The following TFCP2L1 variants were observed in gnomAD, a reference collection of about 807,000 sequenced individuals.
TFCP2L1 encodes transcription factor CP2-like protein 1.
TFCP2L1 carries 12 observed loss-of-function variants against 72.2 expected under a neutral mutation model. The ratio of observed to expected loss-of-function variants is 0.17; its 90% CI spans 0.11 to 0.27. The LOEUF (loss-of-function observed/expected upper bound fraction) is 0.27, where lower values mean the gene tolerates loss of function less well. Ranked by LOEUF, TFCP2L1 falls within the 10% of genes least tolerant of loss-of-function variation. The pLI is 1.00. For missense variants in TFCP2L1, 488 were observed against 624.6 expected, an observed-to-expected ratio of 0.78 and a Z score of 2.33; for synonymous variants, 260 against 251.0, an observed-to-expected ratio of 1.04 and a Z score of -0.34.
intron 1 of TFCP2L1, among the ~76,000 whole-genome samples, chr2:121,283,096 G>A (rs756634618): frequency 1.3e-5 from 2 of 152,140 alleles, no homozygotes; most frequent in Non-Finnish European, 2.9e-5. Flanking sequence ...AATAATCCAC[G>A]GACTGCTGCC....
intron 10 of TFCP2L1, among the ~76,000 whole-genome samples, chr2:121,236,002 T>C (rs1183590855): frequency 6.6e-6 from 1 of 152,158 alleles, no homozygotes; most frequent in Admixed American, 6.5e-5. Flanking sequence ...TTTCTGTACA[T>C]GGAATTGAAC....
intron 2 of TFCP2L1, among the ~76,000 whole-genome samples, chr2:121,259,215 G>A (rs944740169): frequency 6.6e-6 from 1 of 151,954 alleles, no homozygotes. Context: ...TCCAGGAGGC[G>A]GAGGCTGCAG....
At chr2:121,248,309 A>T (rs1184364024) in intron 4 of TFCP2L1, 39 bp from the exon 5 acceptor site, 1 of 1,522,452 alleles carries the variant, frequency 6.6e-7, no homozygotes. Flanking sequence ...TGCAATTGTC[A>T]GCCTCTCCCA....
rs550984734 is a variant in TFCP2L1, at chr2:121,250,229, T to A, written c.215-582A>T. Among the ~76,000 whole-genome samples the A allele has an allele frequency of 1.3e-4, 19 of 151,986 alleles. No homozygotes were observed. In the South Asian group the frequency reaches 3.5e-3, roughly 28 times the overall value. Reference sequence around the variant, plus strand: ...AGAATATAAATGGAAAAAACATCCATCCATAACAACAGAACATTTAAAAGC... The same window carrying A: ...AGAATATAAATGGAAAAAACATCCAACCATAACAACAGAACATTTAAAAGC... On this transcript the variant is annotated intron_variant, in intron 2 of 14. Coordinates refer to ENST00000263707, the MANE Select transcript of TFCP2L1 (RefSeq NM_014553.3).
rs200194149 is a variant in TFCP2L1, at chr2:121,281,280, C to A, written c.63-9G>T. On this transcript the variant is annotated splice_polypyrimidine_tract_variant and intron_variant, in intron 1 of 14. Coordinates refer to ENST00000263707, the MANE Select transcript of TFCP2L1 (RefSeq NM_014553.3). ...GCAGAGCGAGCACATCACTGCAACACACGGGAAGCAGAGGTCAGGAGCAGA... is the reference window on the plus strand; with the variant it reads ...GCAGAGCGAGCACATCACTGCAACAAACGGGAAGCAGAGGTCAGGAGCAGA... The A allele has an allele frequency of 6.3e-6, 10 of 1,589,294 alleles. No individual in the cohort carries two copies. The highest frequency in any genetic ancestry group is 1.3e-5 in the African/African-American group (1 of 74,096).
intron 14 of TFCP2L1, 74 bp from the exon 15 acceptor site, chr2:121,224,461 G>T: frequency 6.6e-7 from 1 of 1,512,784 alleles, no homozygotes; most frequent in Non-Finnish European, 9.1e-7. Flanking sequence ...AGTCCCAAAA[G>T]GCACGCTGTT....
At chr2:121,235,944 C>G (rs955063356) in intron 10 of TFCP2L1, among the ~76,000 whole-genome samples, 9 of 152,160 alleles carry the variant, frequency 5.9e-5, no homozygotes, top group Non-Finnish European at 1.2e-4. Flanking sequence ...AGGGGAGCCA[C>G]TATCCTGACT....
intron 6 of TFCP2L1, among the ~76,000 whole-genome samples, chr2:121,246,111 ACTGTGGGGCTGGGGC>A (rs1686475298): frequency 6.6e-6 from 1 of 152,092 alleles, no homozygotes; most frequent in African/African-American, 2.4e-5. Context: ...GGGGCTGGGG[ACTGTGGGGCTGGGGC>A]CTGCTTGGAC....
Position 121,249,561 on chromosome 2 carries a change from T to C in TFCP2L1, c.291+10A>G. The C allele has an allele frequency of 6.2e-7, 1 of 1,611,742 alleles. No individual in the cohort carries two copies. Among genetic ancestry groups the C allele is most frequent in the South Asian group, 1.1e-5 (1 of 91,032 alleles). ...TCCCCGAGGCAATGAGAACAGCCTG[T>C]GAGGCTTACCTTGACATATTTTGTG... On this transcript the variant is annotated intron_variant, in intron 3 of 14. Coordinates refer to ENST00000263707, the MANE Select transcript of TFCP2L1 (RefSeq NM_014553.3).
At chr2:121,246,668 G>A in intron 6 of TFCP2L1, 150 bp downstream of exon 6, 1 of 995,666 alleles carries the variant, frequency 1.0e-6, no homozygotes. Flanking sequence ...AAGCTCGTGT[G>A]CATTAGAAGC....
chr2:121,274,781 C>T (rs1004488780), intron 2 of TFCP2L1, among the ~76,000 whole-genome samples: 5 of 151,652 alleles, frequency 3.3e-5, no homozygotes, highest in East Asian at 1.9e-4. Flanking sequence ...CTTGTATCTA[C>T]GAAAAATAGA....
intron 13 of TFCP2L1, among the ~76,000 whole-genome samples, chr2:121,230,355 G>A (rs1393080017): frequency 6.6e-6 from 1 of 152,160 alleles, no homozygotes; most frequent in Non-Finnish European, 1.5e-5. Context: ...ATTTTTAGTA[G>A]AGACAGGGGT....
At position 121,224,109 on chromosome 2, in the gene TFCP2L1, T is replaced by A. The variant is rs1685976657; in HGVS notation, c.*232A>T. ...CCAATAGAAAAGAACAAGGAACCATTCAAAATCTGGAGGCCAAGAGGAAGG... is the reference window on the plus strand; with the variant it reads ...CCAATAGAAAAGAACAAGGAACCATACAAAATCTGGAGGCCAAGAGGAAGG... On this transcript the variant is annotated 3_prime_UTR_variant, in exon 15 of 15. Coordinates refer to ENST00000263707, the MANE Select transcript of TFCP2L1 (RefSeq NM_014553.3). 1.7e-6 allele frequency: 1 copy of A among 586,762 alleles called. No individual in the cohort carries two copies. 36.3% of individuals were successfully genotyped at this position (586,762 alleles called of 1,614,324 possible).
Position 121,240,593 on chromosome 2 carries a change from C to T in TFCP2L1, c.769-944G>A, listed in dbSNP as rs955722610. The T allele has an allele frequency of 1.2e-5, 12 of 985,312 alleles. No homozygotes were observed. In the African/African-American group the frequency reaches 1.2e-4, roughly 10 times the overall value. 61.0% of individuals were successfully genotyped at this position (985,312 alleles called of 1,614,324 possible). A position where few individuals can be genotyped will look rare whatever the true frequency, so the allele number is the denominator to read the frequency against. On this transcript the variant is annotated intron_variant, in intron 7 of 14. Transcript: ENST00000263707. ...GCCTCCCAGGGTGGGCTTTCAACTA[C>T]GCTGCACTGTGGCAAGGGCTTGGAC... is the stretch of plus-strand genomic sequence containing the variant.
chr2:121,248,702 T>C (rs981584095), intron 4 of TFCP2L1, among the ~76,000 whole-genome samples: 1 of 152,144 alleles, frequency 6.6e-6, no homozygotes, highest in Non-Finnish European at 1.5e-5. Context: ...TCAACACTTA[T>C]CAAAATCCTT....
Position 121,239,842 on chromosome 2 carries a change from G to A in TFCP2L1, c.769-193C>T, listed in dbSNP as rs192526559. Among the ~76,000 whole-genome samples the A allele has an allele frequency of 2.0e-4, 30 of 152,328 alleles. 1 individual carries two copies. In the East Asian group the frequency reaches 5.6e-3, roughly 28 times the overall value. Reference sequence around the variant, plus strand: ...GAGGGCCACATGAAGGAAACCAGCAGAAATGTTCAGTAAGTCACCCCTGGA... The same window carrying A: ...GAGGGCCACATGAAGGAAACCAGCAAAAATGTTCAGTAAGTCACCCCTGGA... On this transcript the variant is annotated intron_variant, in intron 7 of 14. Transcript: ENST00000263707.
rs1207892098 is a variant in TFCP2L1, at chr2:121,279,361, A to C, written c.214+1759T>G. ...ATTCCACACAGCGGCACAGATGCAC[A>C]CTTGGCCACATCACCCACCAACCAT... On this transcript the variant is annotated intron_variant, in intron 2 of 14. Coordinates refer to ENST00000263707, the MANE Select transcript of TFCP2L1 (RefSeq NM_014553.3). Among the ~76,000 whole-genome samples the C allele has an allele frequency of 2.0e-5, 3 of 152,228 alleles. No individual in the cohort carries two copies. In the East Asian group the frequency reaches 5.8e-4, roughly 29 times the overall value.
chr2:121,242,332 C>T (rs1311422901), intron 7 of TFCP2L1, 27 bp downstream of exon 7: 9 of 1,601,200 alleles, frequency 5.6e-6, no homozygotes, highest in Admixed American at 3.3e-5. Flanking sequence ...CCCTTGGAGG[C>T]TCTGTCCCCG....
rs1469362636 is a variant in TFCP2L1 at position 121,223,253 on chromosome 2, CCA to C, written c.*1086_*1087del. On this transcript the variant is annotated 3_prime_UTR_variant, in exon 15 of 15. Transcript: ENST00000263707. ...AGACAAAGACGAATTTCTGAGTCTA[CCA>C]CAGTTACTGACACTCAAATTTCCCG... 6.7e-6 allele frequency: 1 copy of C among 150,066 alleles called. No individual in the cohort carries two copies. Among genetic ancestry groups the C allele is most frequent in the Non-Finnish European group, 1.5e-5 (1 of 67,268 alleles). 9.3% of individuals were successfully genotyped at this position (150,066 alleles called of 1,614,324 possible). A position where few individuals can be genotyped will look rare whatever the true frequency, so the allele number is the denominator to read the frequency against.
Sources: gnomAD v4.1 joint callset for allele counts (sites outside exome capture counted in the v4.1 genomes callset) on GRCh38, gnomAD v4.1.1 for gene constraint, MANE v1.5 for transcripts, NCBI Gene and HGNC (gene_info 2026-07-23, HGNC 2026-07-21) for gene names.